Variants in AP1M2 observed in about 807,000 individuals in gnomAD.
The protein encoded by AP1M2 is adaptor related protein complex 1 subunit mu 2, also known as AP-1 complex subunit mu-2.
Under a neutral mutation model 54.6 loss-of-function variants are expected in AP1M2, and 41 were observed. The observed-to-expected ratio is 0.75, with a 90% CI of 0.59 to 0.97. AP1M2 has a LOEUF of 0.97. AP1M2 is among the 50% of genes least tolerant of loss of function. The pLI is 0.00. For synonymous variants in AP1M2, 219 were observed against 215.9 expected, an observed-to-expected ratio of 1.01 and a Z score of -0.13; for missense variants, 507 against 561.2, an observed-to-expected ratio of 0.90 and a Z score of 0.98.
chr19:10,583,990 C>A lies in AP1M2; in HGVS notation c.123G>T (p.Glu41Asp). The A allele has an allele frequency of 6.2e-7, 1 of 1,607,422 alleles. No homozygotes were observed. Among genetic ancestry groups the A allele is most frequent in the South Asian group, 1.1e-5 (1 of 89,686 alleles). ...EHFMPLLVQR[E>D]EEGALAPLLS... ...GCAGCGGGGCCAGGGCGCCTTCCTC[C>A]TCCCGCTGTACCAGCAAAGGCATGA... is the stretch of plus-strand genomic sequence containing the variant. The change falls in exon 2 of 12, where the codon GAG (glutamate) becomes GAT (aspartate). Residue 41 changes from glutamate (E) to aspartate (D), a missense_variant. Glu to Asp is a conservative substitution (Grantham distance 45). Coordinates refer to ENST00000250244, the MANE Select transcript of AP1M2 (RefSeq NM_005498.5).
At chr19:10,574,873 G>A (rs761378346) in intron 10 of AP1M2, 31 bp downstream of exon 10, 2 of 1,585,512 alleles carry the variant, frequency 1.3e-6, no homozygotes, top group Non-Finnish European at 1.7e-6. Context: ...CCGAAGTCAA[G>A]GGGAGGATCC....
At chr19:10,585,822 T>A (rs1917639532) in intron 1 of AP1M2, among the ~76,000 whole-genome samples, 1 of 151,982 alleles carries the variant, frequency 6.6e-6, no homozygotes, top group Non-Finnish European at 1.5e-5. Flanking sequence ...TCACCACCAC[T>A]CTTATTTTGG....
intron 1 of AP1M2, 176 bp downstream of exon 1, chr19:10,587,014 C>T: frequency 7.9e-6 from 5 of 633,570 alleles, no homozygotes; most frequent in East Asian, 5.9e-5. Flanking sequence ...CCCTAGGAGG[C>T]GAACCCCTTG....
intron 9 of AP1M2, among the ~76,000 whole-genome samples, chr19:10,576,120 T>C (rs1318727814): frequency 2.2e-5 from 3 of 139,420 alleles, no homozygotes; most frequent in Admixed American, 7.1e-5. Context: ...GAGACAGAGT[T>C]TCACTCTGTC....
intron 6 of AP1M2, 116 bp from the exon 7 acceptor site, chr19:10,579,974 G>T: frequency 1.9e-6 from 2 of 1,027,334 alleles, no homozygotes; most frequent in Non-Finnish European, 1.3e-6. Context: ...CTGGGGCCCA[G>T]AGAGAATGAG....
intron 2 of AP1M2, 42 bp from the exon 3 acceptor site, chr19:10,583,715 A>G (rs150313722): frequency 7.6e-6 from 12 of 1,583,068 alleles, no homozygotes; most frequent in Non-Finnish European, 1.0e-5. Context: ...TTTATGGAGA[A>G]GTAAATGGAA....
rs779401738 is a variant in AP1M2 at position 10,583,966 on chromosome 19, C to A, written c.147G>T (p.Leu49=). The stretch of plus-strand genomic sequence containing the variant: ...GGAAGTGGACCTGGCCGTGGCTCAG[C>A]AGCGGGGCCAGGGCGCCTTCCTCCT... ...QREEEGALAP[L]LSHGQVHFLW... Residue 49 remains leucine, a synonymous_variant, in exon 2 of 12, where the codon CTG becomes CTT. Transcript: ENST00000250244. 6.2e-7 allele frequency: 1 copy of A among 1,603,724 alleles called. No individual in the cohort carries two copies. Among genetic ancestry groups the A allele is most frequent in the South Asian group, 1.1e-5 (1 of 89,218 alleles).
Position 10,584,140 on chromosome 19 carries a change from G to A in AP1M2, c.43-70C>T. ...ACCTACCACGCTGAGGAGGCACAGT[G>A]CCCGGTTCTGACCCTACTTCCTAGC... is the stretch of plus-strand genomic sequence containing the variant. On this transcript the variant is annotated intron_variant, in intron 1 of 11. Transcript: ENST00000250244. 2.0e-6 allele frequency: 3 copies of A among 1,532,158 alleles called. No homozygotes were observed. In the South Asian group the frequency reaches 3.7e-5, roughly 19 times the overall value. The allele number at this position is 1,532,158 out of a possible 1,614,324, so 94.9% of individuals were successfully genotyped here. A position where few individuals can be genotyped will look rare whatever the true frequency, so the allele number is the denominator to read the frequency against.
rs894258647 is a variant in AP1M2, at chr19:10,580,412, C to T, written c.674-554G>A. On this transcript the variant is annotated intron_variant, in intron 6 of 11. Coordinates refer to ENST00000250244, the MANE Select transcript of AP1M2 (RefSeq NM_005498.5). ...CGTGGTGGCTCACGCCTGTAATCCC[C>T]GAACTATGGGAGGCTGAGATGGGCG... Among the ~76,000 whole-genome samples, 12 of 151,690 alleles carry T rather than the reference C, an allele frequency of 7.9e-5. No individual in the cohort carries two copies. In the East Asian group the frequency reaches 1.2e-3, roughly 15 times the overall value.
chr19:10,575,566 G>C (rs1917202221), intron 9 of AP1M2, among the ~76,000 whole-genome samples: 1 of 151,950 alleles, frequency 6.6e-6, no homozygotes, highest in African/African-American at 2.4e-5. Context: ...ACCCAGCTCA[G>C]CAAAGCAATA....
Position 10,574,890 on chromosome 19 carries a change from C to T in AP1M2, c.1173+14G>A. ...GAAGTCAAGGGGAGGATCCTCCCTG[C>T]CTGCTTCTCTCACCTGGATCCCAGA... On this transcript the variant is annotated intron_variant, in intron 10 of 11. Transcript: ENST00000250244. 3.1e-6 allele frequency: 5 copies of T among 1,598,398 alleles called. No individual in the cohort carries two copies. The highest frequency in any genetic ancestry group is 4.3e-6 in the Non-Finnish European group (5 of 1,172,182).
At position 10,583,965 on chromosome 19, in the gene AP1M2, G is replaced by T; in HGVS notation, c.148C>A (p.Leu50Met). The stretch of plus-strand genomic sequence containing the variant: ...AGGAAGTGGACCTGGCCGTGGCTCA[G>T]CAGCGGGGCCAGGGCGCCTTCCTCC... ...REEEGALAPL[L>M]SHGQVHFLWI... Residue 50 changes from leucine (L) to methionine (M), a missense_variant, in exon 2 of 12, where the codon CTG (leucine) becomes ATG (methionine). By Grantham distance (15) the Leu-to-Met change is conservative. Coordinates refer to ENST00000250244, the MANE Select transcript of AP1M2 (RefSeq NM_005498.5). The T allele has an allele frequency of 6.2e-7, 1 of 1,604,052 alleles. No homozygotes were observed. The highest frequency in any genetic ancestry group is 8.5e-7 in the Non-Finnish European group (1 of 1,175,530).
chr19:10,584,760 T>C (rs1360789281), intron 1 of AP1M2, among the ~76,000 whole-genome samples: 10 of 152,098 alleles, frequency 6.6e-5, no homozygotes, highest in Admixed American at 5.9e-4. Context: ...GTGGGGTAGA[T>C]GTTATCATCA....
chr19:10,582,754 A>G (rs1227877904), intron 3 of AP1M2, among the ~76,000 whole-genome samples: 1 of 152,046 alleles, frequency 6.6e-6, no homozygotes, highest in Non-Finnish European at 1.5e-5. Context: ...TCTCAAAAGA[A>G]AAAACAAAAA....
At position 10,583,916 on chromosome 19, in the gene AP1M2, T is replaced by A. The variant is rs1171583344; in HGVS notation, c.197A>T (p.Tyr66Phe). 6.3e-7 allele frequency: 1 copy of A among 1,596,540 alleles called. No homozygotes were observed. Among genetic ancestry groups the A allele is most frequent in the Admixed American group, 1.8e-5 (1 of 56,818 alleles). The part of the protein sequence containing the change: ...HFLWIKHSNL[Y>F]LVATTSKNAN... ...GGGACACCACGTGGGGTGGATACAGTAGAGGTTGCTGTGTTTGATCCATAG... is the reference window on the plus strand; with the variant it reads ...GGGACACCACGTGGGGTGGATACAGAAGAGGTTGCTGTGTTTGATCCATAG... The change falls in exon 2 of 12, where the codon TAC (tyrosine) becomes TTC (phenylalanine). Residue 66 changes from tyrosine (Y) to phenylalanine (F), a missense_variant and splice_region_variant. Tyr to Phe is a conservative substitution (Grantham distance 22, BLOSUM62 3). Transcript: ENST00000250244.
chr19:10,578,839 A>G, intron 8 of AP1M2, 53 bp downstream of exon 8: 1 of 1,437,370 alleles, frequency 7.0e-7, no homozygotes, highest in Non-Finnish European at 9.6e-7. Context: ...GGTGTGAGCC[A>G]CCGCACCCAC....
intron 9 of AP1M2, among the ~76,000 whole-genome samples, chr19:10,576,511 C>G (rs1265334181): frequency 6.6e-6 from 1 of 152,034 alleles, no homozygotes; most frequent in Non-Finnish European, 1.5e-5. Flanking sequence ...ATCCGCCCAC[C>G]TCGGCCTCCC....
chr19:10,578,465 G>A (rs1917320934), intron 8 of AP1M2, among the ~76,000 whole-genome samples: 1 of 150,270 alleles, frequency 6.7e-6, no homozygotes, highest in South Asian at 2.1e-4. Context: ...CCGAGTGACA[G>A]AGGGAGACTC....
intron 10 of AP1M2, 66 bp from the exon 11 acceptor site, chr19:10,574,558 G>C: frequency 7.1e-7 from 1 of 1,400,520 alleles, no homozygotes; most frequent in Non-Finnish European, 9.8e-7. Flanking sequence ...CAGGGAGAAA[G>C]AGACGGCTTA....
Sources: allele counts gnomAD v4.1 joint callset (sites outside exome capture counted in the v4.1 genomes callset), GRCh38; gene constraint gnomAD v4.1.1; transcripts MANE v1.5; gene names NCBI Gene and HGNC (gene_info 2026-07-23, HGNC 2026-07-21).